Variants in KCNIP4 observed in about 807,000 individuals in gnomAD.
The protein encoded by KCNIP4 is potassium voltage-gated channel interacting protein 4.
A neutral mutation model predicts 34.0 loss-of-function variants in KCNIP4; 12 were observed. The ratio of observed to expected loss-of-function variants is 0.35; its 90% CI spans 0.23 to 0.57. The LOEUF (loss-of-function observed/expected upper bound fraction) is 0.57. KCNIP4 is among the 20% of genes least tolerant of loss of function. The probability of loss-of-function intolerance (pLI) is 0.83; values close to 1 mark genes in which losing one functional copy is unlikely to be tolerated. For missense variants in KCNIP4, 238 were observed against 311.7 expected, an observed-to-expected ratio of 0.76 and a Z score of 1.78; for synonymous variants, 124 against 102.2, an observed-to-expected ratio of 1.21 and a Z score of -1.29.
intron 3 of KCNIP4, among the ~76,000 whole-genome samples, chr4:20,803,357 T>C (rs1714601038): frequency 6.6e-6 from 1 of 151,122 alleles, no homozygotes; most frequent in Admixed American, 6.6e-5. Context: ...CACCTATTAT[T>C]GCAGTGGGTC....
intron 3 of KCNIP4, among the ~76,000 whole-genome samples, chr4:20,830,717 C>G (rs976729774): frequency 2.6e-5 from 4 of 152,064 alleles, no homozygotes; most frequent in Admixed American, 2.6e-4. Flanking sequence ...AATTACAGGG[C>G]CTGTTTGCTT....
intron 1 of KCNIP4, among the ~76,000 whole-genome samples, chr4:20,983,599 C>A (rs566138496): frequency 6.6e-6 from 1 of 152,246 alleles, no homozygotes; most frequent in East Asian, 1.9e-4. Context: ...AAGTAGATTT[C>A]AAATAGAAAG....
intron 1 of KCNIP4, among the ~76,000 whole-genome samples, chr4:21,130,246 AG>A (rs1750960153): frequency 6.6e-6 from 1 of 152,186 alleles, no homozygotes; most frequent in Non-Finnish European, 1.5e-5. Context: ...TCACTTGCAG[AG>A]AGTCTTAATC....
intron 1 of KCNIP4, among the ~76,000 whole-genome samples, chr4:21,172,136 T>C (rs1244651844): frequency 6.6e-6 from 1 of 152,144 alleles, no homozygotes; most frequent in East Asian, 1.9e-4. Context: ...CAAGCAATTC[T>C]CCTGCCTCAG....
rs138527196 is a variant in KCNIP4 at position 20,794,292 on chromosome 4, G to A, written c.289-35402C>T. Among the ~76,000 whole-genome samples the A allele has an allele frequency of 2.7e-4, 41 of 152,188 alleles. No homozygotes were observed. In the East Asian group the frequency reaches 3.3e-3, roughly 12 times the overall value. On this transcript the variant is annotated intron_variant, in intron 3 of 8. Coordinates refer to ENST00000382152, the MANE Select transcript of KCNIP4 (RefSeq NM_025221.6). ...TGCTGCTGCTGATTTGATAGGAGTC[G>A]GAGCTCAGGCAGTAATGTGAGCAAT...
intron 1 of KCNIP4, among the ~76,000 whole-genome samples, chr4:21,667,208 T>C (rs967060560): frequency 3.9e-5 from 6 of 152,188 alleles, no homozygotes; most frequent in African/African-American, 1.2e-4. Context: ...CATAATTCTA[T>C]AGACCTTAGG....
intron 1 of KCNIP4, among the ~76,000 whole-genome samples, chr4:21,779,800 T>A (rs1473644912): frequency 6.6e-6 from 1 of 151,898 alleles, no homozygotes; most frequent in Non-Finnish European, 1.5e-5. Flanking sequence ...GGTGGCACAC[T>A]TCCTCCTGTA....
intron 1 of KCNIP4, among the ~76,000 whole-genome samples, chr4:21,714,814 AT>A (rs1198591467): frequency 0.064 from 15 of 234 alleles, no homozygotes; most frequent in African/African-American, 0.083. Flanking sequence ...ATTTTATTTT[AT>A]TTTATTTTAT....
chr4:20,783,898 T>G (rs543522900), intron 3 of KCNIP4, among the ~76,000 whole-genome samples: 8 of 152,286 alleles, frequency 5.3e-5, no homozygotes, highest in African/African-American at 1.4e-4. Flanking sequence ...CTGTTTTTTG[T>G]TTGGTTGGTT....
rs191240921 is a variant in KCNIP4, at chr4:20,820,989, G to T, written c.288+29554C>A. Among the ~76,000 whole-genome samples, 184 of 152,294 alleles carry T rather than the reference G, an allele frequency of 1.2e-3. 1 individual carries two copies. Among genetic ancestry groups the T allele is most frequent in the African/African-American group, 3.9e-3 (164 of 41,578 alleles). ...TAGCTACCTCCACCTAGGTTTCAAA[G>T]GATGCCTTGGAGAGCCTCATAGCCC... is the stretch of plus-strand genomic sequence containing the variant. On this transcript the variant is annotated intron_variant, in intron 3 of 8. Transcript: ENST00000382152.
intron 3 of KCNIP4, among the ~76,000 whole-genome samples, chr4:20,805,186 C>CTTT (rs10552321): frequency 0.011 from 1,054 of 92,024 alleles, 30 homozygotes; most frequent in East Asian, 0.038. Context: ...TAGATGCTTC[C>CTTT]TTTTTTTTTT....
intron 1 of KCNIP4, chr4:21,718,736 CA>C (rs1359651575): frequency 6.6e-6 from 1 of 152,088 alleles, no homozygotes; most frequent in Non-Finnish European, 1.5e-5. Context: ...ATTAACTGAA[CA>C]ATCAACTAAA....
At chr4:21,650,159 T>C (rs1747366819) in intron 1 of KCNIP4, among the ~76,000 whole-genome samples, 1 of 152,212 alleles carries the variant, frequency 6.6e-6, no homozygotes, top group Non-Finnish European at 1.5e-5. Context: ...ACAGGATCTG[T>C]ACTTCACCCA....
intron 1 of KCNIP4, among the ~76,000 whole-genome samples, chr4:21,514,750 A>G (rs1383569716): frequency 1.3e-5 from 2 of 152,176 alleles, no homozygotes; most frequent in African/African-American, 4.8e-5. Context: ...ACTCTCTCTC[A>G]ATTAGATATT....
chr4:20,904,858 G>A (rs1259915045), intron 1 of KCNIP4, among the ~76,000 whole-genome samples: 1 of 152,168 alleles, frequency 6.6e-6, no homozygotes, highest in Non-Finnish European at 1.5e-5. Context: ...ATCTGAGGAT[G>A]TAGCAGTAAA....
chr4:21,238,915 G>C (rs898742849), intron 1 of KCNIP4, among the ~76,000 whole-genome samples: 12 of 152,084 alleles, frequency 7.9e-5, no homozygotes, highest in African/African-American at 2.9e-4. Flanking sequence ...CCACATTGCT[G>C]AGTCAATCCT....
chr4:21,012,382 C>A (rs1040775490), intron 1 of KCNIP4, among the ~76,000 whole-genome samples: 1 of 152,062 alleles, frequency 6.6e-6, no homozygotes, highest in African/African-American at 2.4e-5. Flanking sequence ...AGTTCAAGAC[C>A]AGCCTGGGCA....
At chr4:21,266,832 G>C (rs73249531) in intron 1 of KCNIP4, among the ~76,000 whole-genome samples, 17,421 of 152,208 alleles carry the variant, frequency 0.11, 1,143 homozygotes, top group African/African-American at 0.17. Flanking sequence ...ATAGGGGAGA[G>C]TGATGCAATC....
intron 1 of KCNIP4, among the ~76,000 whole-genome samples, chr4:21,576,077 C>T (rs935279635): frequency 1.3e-5 from 2 of 152,106 alleles, no homozygotes; most frequent in Admixed American, 6.6e-5. Flanking sequence ...GTTTGTTGCT[C>T]ACAGGAGTTG....
Sources: gnomAD v4.1 joint callset for allele counts (sites outside exome capture counted in the v4.1 genomes callset) on GRCh38, gnomAD v4.1.1 for gene constraint, MANE v1.5 for transcripts, NCBI Gene and HGNC (gene_info 2026-07-23, HGNC 2026-07-21) for gene names.